Variants in RBM26 observed in about 807,000 individuals in gnomAD.
RBM26 encodes RNA-binding protein 26.
A neutral mutation model predicts 123.6 loss-of-function variants in RBM26; 30 were observed. The observed-to-expected ratio is 0.24, with a 90% confidence interval of 0.18 to 0.33. RBM26 has a LOEUF of 0.33. Ranked by LOEUF, RBM26 falls within the 10% of genes least tolerant of loss-of-function variation. The pLI is 1.00. For missense variants in RBM26, 947 were observed against 1,203.6 expected, an observed-to-expected ratio of 0.79 and a Z score of 3.15; for synonymous variants, 400 against 404.4, an observed-to-expected ratio of 0.99 and a Z score of 0.13.
At chr13:79,360,953 A>G (rs191259996) in intron 9 of RBM26, among the ~76,000 whole-genome samples, 81 of 152,270 alleles carry the variant, frequency 5.3e-4, no homozygotes, top group Non-Finnish European at 7.6e-4. Context: ...ACATATTTCT[A>G]AACACCTAAC....
In RBM26 at chr13:79,350,220, T is replaced by C. The variant is rs1256742195; in HGVS notation, c.2058+2933A>G. ...ATATATCATCATGCAGAGACCAAGA[T>C]ATATTTTTACATTGCAAAAACCACA... On this transcript the variant is annotated intron_variant, in intron 14 of 21. Coordinates refer to ENST00000438737, the MANE Select transcript of RBM26 (RefSeq NM_001366735.2). Among the ~76,000 whole-genome samples, 3 of 152,158 alleles carry C rather than the reference T, an allele frequency of 2.0e-5. No homozygotes were observed. The East Asian group carries it at 5.8e-4, about 29-fold the overall frequency.
chr13:79,333,200 T>C (rs2069718070), intron 20 of RBM26, among the ~76,000 whole-genome samples: 1 of 152,182 alleles, frequency 6.6e-6, no homozygotes, highest in Admixed American at 6.5e-5. Flanking sequence ...TAAAATCTCA[T>C]CAATTTTAAA....
At chr13:79,392,267 T>G (rs1470299737) in intron 1 of RBM26, among the ~76,000 whole-genome samples, 1 of 134,996 alleles carries the variant, frequency 7.4e-6, no homozygotes, top group African/African-American at 2.7e-5. Context: ...TATTATATAA[T>G]TATATATTAA....
rs2068916520 is a variant in RBM26 at position 79,329,255 on chromosome 13, A to G, written c.2820+5089T>C. Among the ~76,000 whole-genome samples the G allele has an allele frequency of 3.9e-5, 6 of 152,174 alleles. No individual in the cohort carries two copies. In the South Asian group the frequency reaches 1.2e-3, roughly 32 times the overall value. Reference sequence around the variant, plus strand: ...GTGTGTATATATGTGTATGTATTAAAAACTTTATAGCCCCAAATTAAATGC... The same window carrying G: ...GTGTGTATATATGTGTATGTATTAAGAACTTTATAGCCCCAAATTAAATGC... On this transcript the variant is annotated intron_variant, in intron 20 of 21. Transcript: ENST00000438737.
chr13:79,354,975 C>T (rs2073797256), intron 12 of RBM26, among the ~76,000 whole-genome samples: 1 of 152,158 alleles, frequency 6.6e-6, no homozygotes, highest in African/African-American at 2.4e-5. Flanking sequence ...TCCTATCTGC[C>T]ACGGACTATT....
rs556853000 is a variant in RBM26, at chr13:79,363,728, T to C, written c.1417+1850A>G. On this transcript the variant is annotated intron_variant, in intron 9 of 21. Transcript: ENST00000438737. ...CAACTTGTACATGGTAAGATTTAAATGCAAGGGGTTTGATCCCCTTGCTTC... is the reference window on the plus strand; with the variant it reads ...CAACTTGTACATGGTAAGATTTAAACGCAAGGGGTTTGATCCCCTTGCTTC... Among the ~76,000 whole-genome samples, 75 of 152,090 alleles carry C rather than the reference T, an allele frequency of 4.9e-4. 1 individual carries two copies. In the South Asian group the frequency reaches 0.015, roughly 31 times the overall value.
At chr13:79,398,894 A>C (rs1432064097) in intron 1 of RBM26, among the ~76,000 whole-genome samples, 1 of 152,230 alleles carries the variant, frequency 6.6e-6, no homozygotes, top group Non-Finnish European at 1.5e-5. Context: ...CACAAACTTG[A>C]AATTTCAACT....
chr13:79,329,583 T>A (rs2068974796), intron 20 of RBM26, among the ~76,000 whole-genome samples: 1 of 152,046 alleles, frequency 6.6e-6, no homozygotes, highest in Non-Finnish European at 1.5e-5. Flanking sequence ...TAGGATCCTG[T>A]CAAAAGCACT....
In RBM26 at chr13:79,320,407, T is replaced by A. The variant is rs191742189; in HGVS notation, c.*214A>T. On this transcript the variant is annotated 3_prime_UTR_variant, in exon 22 of 22. Transcript: ENST00000438737. ...AACATTGCATATGTTTCTAGTGTGA[T>A]GTCTTTAGCAATTGTTTACTGAAGT... 55 of 1,196,728 alleles carry A rather than the reference T, an allele frequency of 4.6e-5. No homozygotes were observed. In the Admixed American group the frequency reaches 1.2e-3, roughly 26 times the overall value. The allele number at this position is 1,196,728 out of a possible 1,614,324, so 74.1% of individuals were successfully genotyped here. A position where few individuals can be genotyped will look rare whatever the true frequency, so the allele number is the denominator to read the frequency against.
chr13:79,367,954 C>T (rs988505012), intron 6 of RBM26, among the ~76,000 whole-genome samples: 2 of 152,072 alleles, frequency 1.3e-5, no homozygotes, highest in Non-Finnish European at 2.9e-5. Flanking sequence ...AAAAAAATTG[C>T]AATGATGGCT....
intron 19 of RBM26, among the ~76,000 whole-genome samples, chr13:79,336,466 C>T (rs1269713521): frequency 6.6e-6 from 1 of 152,060 alleles, no homozygotes; most frequent in African/African-American, 2.4e-5. Flanking sequence ...CTTTGGGATA[C>T]CACTAAGAAT....
chr13:79,373,386 A>AAT (rs1327441119), intron 3 of RBM26, among the ~76,000 whole-genome samples: 1 of 91,240 alleles, frequency 1.1e-5, no homozygotes, highest in East Asian at 3.0e-4. Context: ...ATTATATATA[A>AAT]ATATATATAA....
intron 20 of RBM26, among the ~76,000 whole-genome samples, chr13:79,333,043 C>T (rs937653652): frequency 4.6e-5 from 7 of 152,126 alleles, no homozygotes; most frequent in Admixed American, 3.9e-4. Flanking sequence ...AACTACCTAT[C>T]TAGCAAGAGA....
chr13:79,366,876 T>C lies in RBM26; in HGVS notation c.896-4A>G. On this transcript the variant is annotated splice_polypyrimidine_tract_variant and splice_region_variant and intron_variant, in intron 6 of 21. Transcript: ENST00000438737. Reference sequence around the variant, plus strand: ...CCTCTCATACAAAAACCCTTTTCTATGAGGAAGGAATAGTTAGAAACAAAT... The same window carrying C: ...CCTCTCATACAAAAACCCTTTTCTACGAGGAAGGAATAGTTAGAAACAAAT... 6.3e-7 allele frequency: 1 copy of C among 1,589,392 alleles called. No homozygotes were observed. Among genetic ancestry groups the C allele is most frequent in the South Asian group, 1.1e-5 (1 of 88,126 alleles).
At chr13:79,364,078 T>G (rs7331979) in intron 9 of RBM26, among the ~76,000 whole-genome samples, 9,094 of 152,238 alleles carry the variant, frequency 0.06, 527 homozygotes, top group African/African-American at 0.15. Flanking sequence ...TGGCCACTTT[T>G]CAATTACAAG....
chr13:79,343,383 G>A (rs936195950), intron 16 of RBM26, among the ~76,000 whole-genome samples: 1 of 151,882 alleles, frequency 6.6e-6, no homozygotes, highest in African/African-American at 2.4e-5. Context: ...GAAGCCACAT[G>A]ATTTATTGTA....
chr13:79,362,616 G>A (rs2074829652), intron 9 of RBM26, among the ~76,000 whole-genome samples: 1 of 152,110 alleles, frequency 6.6e-6, no homozygotes, highest in South Asian at 2.1e-4. Context: ...ACCTTCCAAG[G>A]ACCGGTTCTG....
At chr13:79,325,876 C>T (rs997146679) in intron 20 of RBM26, among the ~76,000 whole-genome samples, 7 of 152,072 alleles carry the variant, frequency 4.6e-5, no homozygotes, top group Non-Finnish European at 7.4e-5. Context: ...TACAGGTATA[C>T]CATGTTTTAT....
chr13:79,370,854 T>G, intron 5 of RBM26, 91 bp downstream of exon 5: 1 of 1,354,852 alleles, frequency 7.4e-7, no homozygotes. Context: ...TAGAAAAAAA[T>G]GAAGACAACA....
Sources: gnomAD v4.1 joint callset for allele counts (sites outside exome capture counted in the v4.1 genomes callset) on GRCh38, gnomAD v4.1.1 for gene constraint, MANE v1.5 for transcripts, NCBI Gene and HGNC (gene_info 2026-07-23, HGNC 2026-07-21) for gene names.